Variants in NXPE1 observed in about 807,000 individuals in gnomAD.
NXPE1 encodes NXPE family member 1.
In NXPE1, 31 loss-of-function variants were observed where a neutral mutation model predicts 33.3. That is an observed-to-expected ratio of 0.93 (90% CI 0.70 to 1.26). The LOEUF is 1.26. NXPE1 is among the 50% of genes most tolerant of loss of function. The pLI is 0.00. For synonymous variants in NXPE1, 229 were observed against 231.4 expected, an observed-to-expected ratio of 0.99 and a Z score of 0.09; for missense variants, 661 against 655.6, an observed-to-expected ratio of 1.01 and a Z score of -0.09.
chr11:114,533,711 A>G (rs959795076), intron 5 of NXPE1, among the ~76,000 whole-genome samples: 5 of 152,190 alleles, frequency 3.3e-5, no homozygotes, highest in African/African-American at 4.8e-5. Context: ...CTGAGATCAA[A>G]CTGCAAGGCG....
chr11:114,548,482 T>C (rs1032822981), intron 5 of NXPE1, among the ~76,000 whole-genome samples: 2 of 152,046 alleles, frequency 1.3e-5, no homozygotes, highest in East Asian at 3.8e-4. Context: ...ATTCTTATAA[T>C]GCAGGTATTT....
At chr11:114,549,358 A>G (rs1948390708) in intron 5 of NXPE1, among the ~76,000 whole-genome samples, 1 of 152,118 alleles carries the variant, frequency 6.6e-6, no homozygotes, top group Non-Finnish European at 1.5e-5. Context: ...CTTAAATAAA[A>G]TATTGGCAAG....
chr11:114,546,071 A>G (rs1948272529), intron 5 of NXPE1, among the ~76,000 whole-genome samples: 1 of 152,212 alleles, frequency 6.6e-6, no homozygotes, highest in African/African-American at 2.4e-5. Context: ...TTTTAACTGT[A>G]TTACAAATTT....
At chr11:114,554,953 C>T (rs1238710804) in intron 1 of NXPE1, among the ~76,000 whole-genome samples, 3 of 152,116 alleles carry the variant, frequency 2.0e-5, no homozygotes, top group Non-Finnish European at 4.4e-5. Context: ...CCTGGATGAC[C>T]TCAAGGTGCA....
In NXPE1 at chr11:114,536,256, C is replaced by G. The variant is rs192401805; in HGVS notation, c.100-5348G>C. Among the ~76,000 whole-genome samples the G allele has an allele frequency of 9.9e-5, 15 of 152,194 alleles. No homozygotes were observed. The East Asian group carries it at 2.9e-3, about 29-fold the overall frequency. Reference sequence around the variant, plus strand: ...CAATGAGAACAAAGACACAACATACCAGAATCTCTGGGACATATTCAAAGC... The same window carrying G: ...CAATGAGAACAAAGACACAACATACGAGAATCTCTGGGACATATTCAAAGC... On this transcript the variant is annotated intron_variant, in intron 5 of 8. Transcript: ENST00000534921.
At chr11:114,547,543 T>C (rs1948324202) in intron 5 of NXPE1, among the ~76,000 whole-genome samples, 1 of 152,190 alleles carries the variant, frequency 6.6e-6, no homozygotes, top group African/African-American at 2.4e-5. Flanking sequence ...GAGACCAGCC[T>C]GGCCAACATG....
intron 8 of NXPE1, 134 bp from the exon 9 acceptor site, chr11:114,522,637 AG>A (rs1947249749): frequency 2.6e-6 from 2 of 769,692 alleles, no homozygotes; most frequent in Non-Finnish European, 2.0e-6. Flanking sequence ...TCTAGGGTAC[AG>A]TACCCCCAGT....
intron 5 of NXPE1, among the ~76,000 whole-genome samples, chr11:114,540,531 C>T (rs115897009): frequency 8.8e-4 from 133 of 151,878 alleles, no homozygotes; most frequent in African/African-American, 3.0e-3. Flanking sequence ...GGAATGGGTG[C>T]GTATGGGAAA....
chr11:114,542,356 C>T (rs1948127175), intron 5 of NXPE1, among the ~76,000 whole-genome samples: 1 of 152,086 alleles, frequency 6.6e-6, no homozygotes, highest in Non-Finnish European at 1.5e-5. Flanking sequence ...GACTATTTTT[C>T]CCAGATCGTT....
intron 8 of NXPE1, 123 bp downstream of exon 8, chr11:114,522,756 G>A (rs1230230705): frequency 1.4e-6 from 1 of 716,846 alleles, no homozygotes; most frequent in Non-Finnish European, 2.3e-6. Context: ...AAATGTAAAG[G>A]TTCAAATCCA....
At chr11:114,532,321 C>T (rs767460662) in intron 5 of NXPE1, among the ~76,000 whole-genome samples, 30 of 152,078 alleles carry the variant, frequency 2.0e-4, no homozygotes, top group Middle Eastern at 3.4e-3. Flanking sequence ...AATAGAGATG[C>T]AAATAAATGA....
At chr11:114,532,894 T>C (rs1947637314) in intron 5 of NXPE1, among the ~76,000 whole-genome samples, 1 of 152,230 alleles carries the variant, frequency 6.6e-6, no homozygotes, top group Non-Finnish European at 1.5e-5. Context: ...TAAAATCTCA[T>C]GATTTTTCAC....
exon 1 of NXPE1, chr11:114,559,819 T>C (rs949587888): frequency 6.6e-6 from 1 of 152,410 alleles, no homozygotes; most frequent in African/African-American, 2.4e-5. Context: ...ATCTCTCCTA[T>C]CTGGGTGGCT....
downstream of NXPE1, among the ~76,000 whole-genome samples, chr11:114,519,374 T>A (rs1177476513): frequency 1.3e-5 from 2 of 152,200 alleles, no homozygotes; most frequent in Non-Finnish European, 2.9e-5. Context: ...AAAGAGATGG[T>A]AAAACCTCTC....
rs746763195 is a variant in NXPE1, at chr11:114,530,904, CA to C, written c.103del (p.Trp35GlyfsTer4). 2.9e-5 allele frequency: 47 copies of C among 1,603,328 alleles called. No homozygotes were observed. Among genetic ancestry groups the C allele is most frequent in the Middle Eastern group, 1.7e-4 (1 of 6,024 alleles). On this transcript the variant is annotated frameshift_variant, in exon 6 of 9. Coordinates refer to ENST00000534921, the Ensembl canonical transcript of NXPE1. LOFTEE classifies it high-confidence loss of function. The stretch of plus-strand genomic sequence containing the variant: ...AGAGATGGATAAGTTTAGAGCAGAC[CA>C]AAGCTGAAATGACAAGGATTGTGAT...
chr11:114,520,402 T>C (rs1299360199), downstream of NXPE1, among the ~76,000 whole-genome samples: 1 of 152,238 alleles, frequency 6.6e-6, no homozygotes, highest in Admixed American at 6.5e-5. Flanking sequence ...TTACTTAGCG[T>C]AACGTCCTCC....
At chr11:114,550,014 G>A (rs537310847) in intron 5 of NXPE1, among the ~76,000 whole-genome samples, 166 of 152,160 alleles carry the variant, frequency 1.1e-3, no homozygotes, top group African/African-American at 3.8e-3. Flanking sequence ...TTTAGCACAC[G>A]TGTCCAAGAT....
intron 3 of NXPE1, among the ~76,000 whole-genome samples, chr11:114,551,741 A>G (rs1281495774): frequency 1.3e-5 from 2 of 152,088 alleles, no homozygotes; most frequent in East Asian, 1.9e-4. Flanking sequence ...TCAGGAATGA[A>G]TTACTCTGCA....
downstream of NXPE1, among the ~76,000 whole-genome samples, chr11:114,521,291 A>G (rs1947206155): frequency 6.6e-6 from 1 of 152,148 alleles, no homozygotes; most frequent in African/African-American, 2.4e-5. Context: ...CTCTTTTTGT[A>G]TTGCTATGAC....
Sources: gnomAD v4.1 joint callset for allele counts (sites outside exome capture counted in the v4.1 genomes callset) on GRCh38, gnomAD v4.1.1 for gene constraint, MANE v1.5 for transcripts, NCBI Gene and HGNC (gene_info 2026-07-23, HGNC 2026-07-21) for gene names.